The following UBAC2 variants were observed in gnomAD, a reference collection of about 807,000 sequenced individuals.
UBAC2 encodes UBA domain containing 2.
Under a neutral mutation model 44.0 loss-of-function variants are expected in UBAC2, and 26 were observed. The ratio of observed to expected loss-of-function variants is 0.59; its 90% CI spans 0.43 to 0.82. The LOEUF (loss-of-function observed/expected upper bound fraction) is 0.82, where lower values mean the gene tolerates loss of function less well. UBAC2 is among the 40% of genes least tolerant of loss of function. UBAC2 has a pLI of 0.00. For synonymous variants in UBAC2, 155 were observed against 154.3 expected (o/e 1.00, Z -0.04); for missense variants, 329 against 419.4 (o/e 0.78, Z 1.88).
At position 99,227,080 on chromosome 13, in the gene UBAC2, C is replaced by G. The variant is rs577985643; in HGVS notation, c.32-11347C>G. ...AGTTGTGGTGGTGCATGCCTGTAAT[C>G]CCAGCTACTCGGGAGGCTGAGACAG... On this transcript the variant is annotated intron_variant, in intron 1 of 8. Coordinates refer to ENST00000403766, the MANE Select transcript of UBAC2 (RefSeq NM_001144072.2). Among the ~76,000 whole-genome samples the G allele has an allele frequency of 2.6e-5, 4 of 152,162 alleles. No individual in the cohort carries two copies. The East Asian group carries it at 5.8e-4, about 22-fold the overall frequency.
chr13:99,280,608 C>T (rs1197086036), intron 4 of UBAC2, among the ~76,000 whole-genome samples: 1 of 152,212 alleles, frequency 6.6e-6, no homozygotes, highest in Non-Finnish European at 1.5e-5. Context: ...ACTCTCTCAA[C>T]TGGATGCTTT....
At chr13:99,317,913 ATAATT>A (rs1566500167) in intron 5 of UBAC2, 104 bp from the exon 6 acceptor site, 1 of 819,964 alleles carries the variant, frequency 1.2e-6, no homozygotes, top group African/African-American at 1.8e-5. Flanking sequence ...TATGGCATAT[ATAATT>A]AATACTTTAT....
At chr13:99,372,604 G>GGT (rs1351864852) in intron 8 of UBAC2, 2 of 152,286 alleles carry the variant, frequency 1.3e-5, no homozygotes, top group Non-Finnish European at 2.9e-5. Flanking sequence ...GAGAAAGACA[G>GGT]GTGGCGTCAC....
In UBAC2 at chr13:99,386,273, G is replaced by A. The variant is rs1308403770; in HGVS notation, c.*938G>A. On this transcript the variant is annotated 3_prime_UTR_variant, in exon 9 of 9. Coordinates refer to ENST00000403766, the MANE Select transcript of UBAC2 (RefSeq NM_001144072.2). ...AGGACAGGATGCAGGTCAGGGAGAG[G>A]GAAGGCAGGGGTGGACCGCCATGAG... The A allele has an allele frequency of 6.6e-6, 1 of 152,322 alleles. No homozygotes were observed. The highest frequency in any genetic ancestry group is 1.5e-5 in the Non-Finnish European group (1 of 68,098). The allele number at this position is 152,322 out of a possible 1,614,324, so 9.4% of individuals were successfully genotyped here.
chr13:99,367,330 G>A (rs1048927523), intron 7 of UBAC2, among the ~76,000 whole-genome samples: 1 of 152,210 alleles, frequency 6.6e-6, no homozygotes, highest in African/African-American at 2.4e-5. Context: ...GGTAGAGCAG[G>A]GGAGCATTTT....
At chr13:99,270,306 T>A (rs1288414408) in intron 4 of UBAC2, among the ~76,000 whole-genome samples, 1 of 152,180 alleles carries the variant, frequency 6.6e-6, no homozygotes, top group Non-Finnish European at 1.5e-5. Context: ...ATGGTAATAT[T>A]GTTTGCCATT....
At chr13:99,236,757 G>C (rs951442953) in intron 1 of UBAC2, among the ~76,000 whole-genome samples, 2 of 152,154 alleles carry the variant, frequency 1.3e-5, no homozygotes, top group African/African-American at 4.8e-5. Context: ...GGCTGAGGCA[G>C]GAGAATCACT....
At chr13:99,369,715 G>A (rs895783246) in intron 8 of UBAC2, among the ~76,000 whole-genome samples, 5 of 152,118 alleles carry the variant, frequency 3.3e-5, no homozygotes, top group South Asian at 2.1e-4. Context: ...AAGGAAAACC[G>A]TAATTCTACA....
At chr13:99,329,362 G>A (rs1030087914) in intron 6 of UBAC2, among the ~76,000 whole-genome samples, 2 of 152,290 alleles carry the variant, frequency 1.3e-5, no homozygotes, top group African/African-American at 2.4e-5. Context: ...TTGTAATTGC[G>A]TTGAAACTTT....
intron 4 of UBAC2, among the ~76,000 whole-genome samples, chr13:99,312,334 G>A (rs55913986): frequency 0.031 from 4,660 of 151,974 alleles, 93 homozygotes; most frequent in Middle Eastern, 0.13. Context: ...TTTTTCTGGT[G>A]CCATTTTCCC....
chr13:99,295,018 G>A lies in UBAC2; in HGVS notation c.390-19079G>A, dbSNP rs2044146517. 7 of 1,560,476 alleles carry A rather than the reference G, an allele frequency of 4.5e-6. No homozygotes were observed. The highest frequency in any genetic ancestry group is 1.4e-5 in the African/African-American group (1 of 72,882). On this transcript the variant is annotated intron_variant, in intron 4 of 8. Transcript: ENST00000403766. The surrounding 1 kb of genome is among the most constrained non-coding windows in gnomAD (Gnocchi z 4.1). ...TTATAAGGGAAGTCCTGCAAAGTTT[G>A]TCATACAGTTTACGTCACTATAAAC...
chr13:99,244,756 A>G, intron 4 of UBAC2, 132 bp downstream of exon 4: 1 of 520,474 alleles, frequency 1.9e-6, no homozygotes, highest in East Asian at 3.2e-5. Flanking sequence ...TTTATATGTA[A>G]AAAGTCTAAT....
intron 4 of UBAC2, among the ~76,000 whole-genome samples, chr13:99,311,692 T>C (rs939658131): frequency 1.3e-5 from 2 of 152,244 alleles, no homozygotes; most frequent in African/African-American, 4.8e-5. Flanking sequence ...TTGAGAACTC[T>C]GTATAGTCAA....
At chr13:99,353,620 T>C (rs1336405342) in intron 7 of UBAC2, among the ~76,000 whole-genome samples, 3 of 152,172 alleles carry the variant, frequency 2.0e-5, no homozygotes, top group Admixed American at 2.0e-4. Context: ...TATTAATCAG[T>C]TTTTGAAAGG....
chr13:99,306,881 T>C (rs555459352), intron 4 of UBAC2, among the ~76,000 whole-genome samples: 259 of 152,314 alleles, frequency 1.7e-3, no homozygotes, highest in African/African-American at 4.6e-3. Context: ...TTAGAAAATA[T>C]ACCCTTTGCC....
rs2044702773 is a variant in UBAC2 at position 99,330,518 on chromosome 13, A to T, written c.562-9802A>T. On this transcript the variant is annotated intron_variant, in intron 6 of 8. Coordinates refer to ENST00000403766, the MANE Select transcript of UBAC2 (RefSeq NM_001144072.2). ...CTGTATTTCGTTCTTGTGTCCTGCA[A>T]CTTTTCTAAATGTGTTTATTATTTC... 2.0e-5 allele frequency among the ~76,000 whole-genome samples: 3 copies of T among 148,520 alleles called. No homozygotes were observed. In the South Asian group the frequency reaches 6.5e-4, roughly 32 times the overall value.
intron 1 of UBAC2, among the ~76,000 whole-genome samples, chr13:99,203,129 C>G (rs1460726695): frequency 1.3e-5 from 2 of 151,948 alleles, no homozygotes; most frequent in South Asian, 4.1e-4. Flanking sequence ...CTCCGCCTCC[C>G]GAGTTCAAGC....
At chr13:99,236,215 A>G (rs1003670789) in intron 1 of UBAC2, among the ~76,000 whole-genome samples, 4 of 152,242 alleles carry the variant, frequency 2.6e-5, no homozygotes, top group Non-Finnish European at 5.9e-5. Flanking sequence ...GGATTAAATC[A>G]AACTAAAAAG....
intron 4 of UBAC2, among the ~76,000 whole-genome samples, chr13:99,288,499 CTTCT>C (rs1342841008): frequency 6.6e-6 from 1 of 152,214 alleles, no homozygotes; most frequent in Non-Finnish European, 1.5e-5. Flanking sequence ...TAAACAGCTT[CTTCT>C]TTCTAACAAC....
Sources: allele counts gnomAD v4.1 joint callset (sites outside exome capture counted in the v4.1 genomes callset), GRCh38; gene constraint gnomAD v4.1.1; non-coding constraint Gnocchi (gnomAD v3.1); transcripts MANE v1.5; gene names NCBI Gene and HGNC (gene_info 2026-07-23, HGNC 2026-07-21).